Variants in ZNF609 observed in about 807,000 individuals in gnomAD.
The protein encoded by ZNF609 is zinc finger protein 609.
In ZNF609, 11 loss-of-function variants were observed where a neutral mutation model predicts 109.5. The ratio of observed to expected loss-of-function variants is 0.10; its 90% CI spans 0.06 to 0.17. The LOEUF (loss-of-function observed/expected upper bound fraction) is 0.17, where lower values mean the gene tolerates loss of function less well. ZNF609 is among the 10% of genes least tolerant of loss of function. The pLI, the probability that ZNF609 is intolerant of heterozygous loss-of-function variation, is 1.00. For missense variants in ZNF609, 1,559 were observed against 1,772.4 expected (o/e 0.88, Z 2.16); for synonymous variants, 646 against 662.0 (o/e 0.98, Z 0.37).
intron 4 of ZNF609, among the ~76,000 whole-genome samples, chr15:64,672,894 T>G (rs549348599): frequency 6.6e-6 from 1 of 150,502 alleles, no homozygotes; most frequent in South Asian, 2.1e-4. Flanking sequence ...AACTAGGGAG[T>G]TGGAGGTTAC....
chr15:64,515,085 C>T (rs1043302002), intron 2 of ZNF609, among the ~76,000 whole-genome samples: 6 of 152,244 alleles, frequency 3.9e-5, no homozygotes, highest in African/African-American at 1.4e-4. Context: ...CCTTCCTTCT[C>T]AAATAAAAAT....
At chr15:64,529,391 C>T in intron 2 of ZNF609, 4 of 748,706 alleles carry the variant, frequency 5.3e-6, no homozygotes, top group Non-Finnish European at 9.7e-6. Context: ...CTACGACGTA[C>T]TCAGCGCCAG....
intron 2 of ZNF609, among the ~76,000 whole-genome samples, chr15:64,567,882 C>T (rs1190000150): frequency 6.6e-6 from 1 of 151,926 alleles, no homozygotes; most frequent in Non-Finnish European, 1.5e-5. Flanking sequence ...AGGATGGTCT[C>T]GATCTCCTGA....
At chr15:64,646,848 G>A (rs1286483675) in intron 3 of ZNF609, among the ~76,000 whole-genome samples, 1 of 148,364 alleles carries the variant, frequency 6.7e-6, no homozygotes, top group Non-Finnish European at 1.5e-5. Flanking sequence ...GCTGAGGCAG[G>A]AGAATCGCTT....
chr15:64,640,802 A>C (rs1033412955), intron 3 of ZNF609, among the ~76,000 whole-genome samples: 2 of 152,238 alleles, frequency 1.3e-5, no homozygotes, highest in African/African-American at 2.4e-5. Context: ...TTACCTCAGC[A>C]AGAGGAAAGG....
intron 1 of ZNF609, among the ~76,000 whole-genome samples, chr15:64,469,427 CAAAAAAAAAA>C (rs34210041): frequency 1.4e-5 from 1 of 73,574 alleles, no homozygotes; most frequent in Non-Finnish European, 2.5e-5. Context: ...ACCCTATTTC[CAAAAAAAAAA>C]AAAAAAAAAA....
chr15:64,481,116 T>C (rs1020210883), intron 1 of ZNF609, among the ~76,000 whole-genome samples: 3 of 152,094 alleles, frequency 2.0e-5, no homozygotes, highest in East Asian at 1.9e-4. Flanking sequence ...TTTTAGGAAA[T>C]TGAGCTGTGA....
chr15:64,504,839 T>C (rs1893611426), intron 2 of ZNF609, among the ~76,000 whole-genome samples: 1 of 151,978 alleles, frequency 6.6e-6, no homozygotes, highest in South Asian at 2.1e-4. Flanking sequence ...CTTGAACTCC[T>C]GGGCTTATGC....
intron 2 of ZNF609, among the ~76,000 whole-genome samples, chr15:64,559,032 T>C (rs1389629795): frequency 6.6e-6 from 1 of 152,224 alleles, no homozygotes; most frequent in Admixed American, 6.5e-5. Flanking sequence ...CTGAGAGATA[T>C]CATGCCTTTG....
intron 2 of ZNF609, among the ~76,000 whole-genome samples, chr15:64,544,832 G>A (rs947349343): frequency 3.3e-5 from 5 of 152,186 alleles, no homozygotes; most frequent in African/African-American, 1.2e-4. Flanking sequence ...GTTAAAGGGC[G>A]TTTGGTTTTC....
At chr15:64,565,702 C>T (rs1894765041) in intron 2 of ZNF609, among the ~76,000 whole-genome samples, 1 of 152,086 alleles carries the variant, frequency 6.6e-6, no homozygotes, top group Non-Finnish European at 1.5e-5. Context: ...GAATAAGCAT[C>T]TTTAATATTG....
chr15:64,541,304 G>A (rs1172772634), intron 2 of ZNF609, among the ~76,000 whole-genome samples: 2 of 150,324 alleles, frequency 1.3e-5, no homozygotes, highest in Non-Finnish European at 3.0e-5. Context: ...TCGGGCGCCT[G>A]TAGTCCCCGC....
At chr15:64,579,275 T>A (rs1387483097) in intron 2 of ZNF609, among the ~76,000 whole-genome samples, 4 of 151,752 alleles carry the variant, frequency 2.6e-5, no homozygotes, top group South Asian at 4.2e-4. Flanking sequence ...GAAGTGATGG[T>A]ACATGCATGC....
At position 64,670,441 on chromosome 15, in the gene ZNF609, C is replaced by T; in HGVS notation, c.1061+8C>T. On this transcript the variant is annotated splice_region_variant and intron_variant, in intron 4 of 9. Transcript: ENST00000326648. ...TGATTGGGCACCCCCAAGGTAAGCACTTACAGCTATTTAGTTTATATTATT... is the reference window on the plus strand; with the variant it reads ...TGATTGGGCACCCCCAAGGTAAGCATTTACAGCTATTTAGTTTATATTATT... The T allele has an allele frequency of 6.2e-7, 1 of 1,611,024 alleles. No homozygotes were observed. Among genetic ancestry groups the T allele is most frequent in the Non-Finnish European group, 8.5e-7 (1 of 1,177,106 alleles).
At chr15:64,680,512 G>A (rs1348358564) in intron 7 of ZNF609, 134 bp from the exon 8 acceptor site, 2 of 1,281,544 alleles carry the variant, frequency 1.6e-6, no homozygotes, top group South Asian at 1.4e-5. Flanking sequence ...TTTATTCTTA[G>A]GTATCTTGCA....
intron 1 of ZNF609, among the ~76,000 whole-genome samples, chr15:64,483,971 T>C (rs886509219): frequency 2.6e-5 from 4 of 151,976 alleles, no homozygotes; most frequent in African/African-American, 4.8e-5. Flanking sequence ...TGTTTTTTTT[T>C]CCCCCATTGC....
chr15:64,532,014 A>T (rs1595709485), intron 2 of ZNF609, among the ~76,000 whole-genome samples: 1 of 152,138 alleles, frequency 6.6e-6, no homozygotes, highest in African/African-American at 2.4e-5. Context: ...TCTCTCTGCC[A>T]TACCTCTATG....
At chr15:64,482,880 T>C (rs1258694295) in intron 1 of ZNF609, among the ~76,000 whole-genome samples, 1 of 152,164 alleles carries the variant, frequency 6.6e-6, no homozygotes, top group Non-Finnish European at 1.5e-5. Flanking sequence ...GCAAACTGAT[T>C]TTCTGACGGT....
intron 2 of ZNF609, among the ~76,000 whole-genome samples, chr15:64,610,357 G>C (rs8025199): frequency 1.3e-5 from 2 of 152,104 alleles, no homozygotes; most frequent in African/African-American, 4.8e-5. Flanking sequence ...GGAAAGAGAG[G>C]ATTAGGAAAA....
Sources: gnomAD v4.1 joint callset for allele counts (sites outside exome capture counted in the v4.1 genomes callset) on GRCh38, gnomAD v4.1.1 for gene constraint, MANE v1.5 for transcripts, NCBI Gene and HGNC (gene_info 2026-07-23, HGNC 2026-07-21) for gene names.